The following GULP1 variants were observed in gnomAD, a reference collection of about 807,000 sequenced individuals.
GULP1 encodes PTB domain-containing engulfment adapter protein 1.
In GULP1, 19 loss-of-function variants were observed where a neutral mutation model predicts 40.9. The ratio of observed to expected loss-of-function variants is 0.46; its 90% CI spans 0.32 to 0.68. The LOEUF (loss-of-function observed/expected upper bound fraction) is 0.68, where lower values mean the gene tolerates loss of function less well. Among genes scored for constraint, GULP1 ranks in the 30% least tolerant of loss-of-function variants. The probability of loss-of-function intolerance (pLI) is 0.03; values close to 1 mark genes in which losing one functional copy is unlikely to be tolerated. For missense variants in GULP1, 312 were observed against 362.2 expected, an observed-to-expected ratio of 0.86 and a Z score of 1.12; for synonymous variants, 119 against 117.6, an observed-to-expected ratio of 1.01 and a Z score of -0.08.
intron 2 of GULP1, among the ~76,000 whole-genome samples, chr2:188,465,087 C>T (rs561385853): frequency 4.6e-5 from 7 of 152,082 alleles, no homozygotes; most frequent in African/African-American, 1.7e-4. Flanking sequence ...GAGTCTCACC[C>T]TGTAGCCACC....
At chr2:188,562,734 C>T (rs953910896) in intron 7 of GULP1, among the ~76,000 whole-genome samples, 3 of 152,244 alleles carry the variant, frequency 2.0e-5, no homozygotes, top group Non-Finnish European at 1.5e-5. Context: ...ACAGAGTATA[C>T]TTTCCTTTTG....
chr2:188,535,073 TTA>T (rs1245593620), intron 6 of GULP1, among the ~76,000 whole-genome samples: 1 of 151,128 alleles, frequency 6.6e-6, no homozygotes, highest in Non-Finnish European at 1.5e-5. Flanking sequence ...TAATATTTAA[TTA>T]TTTAATATTA....
intron 2 of GULP1, among the ~76,000 whole-genome samples, chr2:188,462,826 T>C (rs2059818106): frequency 6.6e-6 from 1 of 152,148 alleles, no homozygotes; most frequent in African/African-American, 2.4e-5. Flanking sequence ...AATACCATCT[T>C]ATAACCCATC....
intron 8 of GULP1, 47 bp downstream of exon 8, chr2:188,569,402 A>G (rs1451495131): frequency 2.1e-6 from 2 of 970,994 alleles, no homozygotes; most frequent in African/African-American, 1.6e-5. Context: ...ATGTAAGTAC[A>G]GGGAAACTTG....
chr2:188,390,335 G>C (rs181283257), intron 2 of GULP1, among the ~76,000 whole-genome samples: 488 of 152,122 alleles, frequency 3.2e-3, no homozygotes, highest in African/African-American at 0.011. Context: ...ATCTCATTGT[G>C]GTTTTAATTG....
At chr2:188,558,781 CTT>C (rs1457334013) in intron 7 of GULP1, among the ~76,000 whole-genome samples, 2 of 152,164 alleles carry the variant, frequency 1.3e-5, no homozygotes, top group African/African-American at 2.4e-5. Context: ...AGAGGTAACT[CTT>C]GTTATGTTTT....
intron 1 of GULP1, among the ~76,000 whole-genome samples, chr2:188,301,745 A>G (rs1413958939): frequency 1.3e-5 from 2 of 152,192 alleles, no homozygotes; most frequent in Non-Finnish European, 2.9e-5. Flanking sequence ...TTAGCAAGGG[A>G]ACATTGGATG....
intron 3 of GULP1, among the ~76,000 whole-genome samples, chr2:188,480,753 A>G (rs954722101): frequency 6.6e-6 from 1 of 151,854 alleles, no homozygotes; most frequent in Non-Finnish European, 1.5e-5. Context: ...TAAATCATTA[A>G]GTAAAAAAGT....
intron 2 of GULP1, among the ~76,000 whole-genome samples, chr2:188,396,536 A>G (rs1004305359): frequency 5.9e-5 from 9 of 152,198 alleles, no homozygotes; most frequent in Admixed American, 3.3e-4. Context: ...GCAGCAAGCT[A>G]AGTTCCAGGT....
At chr2:188,436,163 A>G (rs1168966089) in intron 2 of GULP1, among the ~76,000 whole-genome samples, 1 of 152,100 alleles carries the variant, frequency 6.6e-6, no homozygotes, top group African/African-American at 2.4e-5. Context: ...CTTGGGGTCC[A>G]TTTTAAAATC....
intron 1 of GULP1, among the ~76,000 whole-genome samples, chr2:188,337,809 C>A (rs2042466933): frequency 6.6e-6 from 1 of 152,062 alleles, no homozygotes; most frequent in East Asian, 1.9e-4. Flanking sequence ...CCATAAATTT[C>A]TTTTTTACTT....
At chr2:188,311,834 G>T (rs2038184720) in intron 1 of GULP1, among the ~76,000 whole-genome samples, 1 of 147,428 alleles carries the variant, frequency 6.8e-6, no homozygotes, top group Non-Finnish European at 1.5e-5. Context: ...ATATACATAT[G>T]TACTATAATA....
intron 4 of GULP1, among the ~76,000 whole-genome samples, chr2:188,494,540 G>T (rs946626154): frequency 1.3e-4 from 20 of 152,018 alleles, no homozygotes; most frequent in African/African-American, 4.8e-4. Context: ...GGTGTCAACT[G>T]CTATAGGCCA....
chr2:188,422,272 A>G (rs927507230), intron 2 of GULP1, among the ~76,000 whole-genome samples: 8 of 151,760 alleles, frequency 5.3e-5, no homozygotes, highest in African/African-American at 1.9e-4. Context: ...TAATATACCC[A>G]GGAATTATTA....
At position 188,383,808 on chromosome 2, in the gene GULP1, A is replaced by C. The variant is rs1430562526; in HGVS notation, c.-126A>C. 2 of 152,210 alleles carry C rather than the reference A, an allele frequency of 1.3e-5. No homozygotes were observed. The highest frequency in any genetic ancestry group is 3.8e-4 in the East Asian group (2 of 5,198). The allele number at this position is 152,210 out of a possible 1,614,324, so 9.4% of individuals were successfully genotyped here. A position where few individuals can be genotyped will look rare whatever the true frequency, so the allele number is the denominator to read the frequency against. On this transcript the variant is annotated 5_prime_UTR_variant, in exon 2 of 12. Transcript: ENST00000409830. ...TATACATAGGAGAGAAACTGATAGA[A>C]GAATTCTGATGGCAACTGTATGATA...
chr2:188,362,911 A>C (rs192148019), intron 1 of GULP1, among the ~76,000 whole-genome samples: 1 of 152,204 alleles, frequency 6.6e-6, no homozygotes, highest in Admixed American at 6.5e-5. Flanking sequence ...CAACCAGTGA[A>C]GGAGAACAGA....
At chr2:188,409,954 A>G (rs998207631) in intron 2 of GULP1, among the ~76,000 whole-genome samples, 2 of 152,206 alleles carry the variant, frequency 1.3e-5, no homozygotes, top group African/African-American at 4.8e-5. Flanking sequence ...AAAATATACT[A>G]CAAAGTTACA....
chr2:188,417,940 T>G lies in GULP1; in HGVS notation c.-45+34051T>G, dbSNP rs116052290. On this transcript the variant is annotated intron_variant, in intron 2 of 11. Coordinates refer to ENST00000409830, the MANE Select transcript of GULP1 (RefSeq NM_016315.4). The stretch of plus-strand genomic sequence containing the variant: ...CAAGTAGCTGGGACTTACAGACACA[T>G]CATCTCACACAGCTGATTTTTTTTT... Among the ~76,000 whole-genome samples, 969 of 152,066 alleles carry G rather than the reference T, an allele frequency of 6.4e-3. 5 individuals carry two copies. Among genetic ancestry groups the G allele is most frequent in the Middle Eastern group, 0.02 (6 of 294 alleles).
intron 7 of GULP1, among the ~76,000 whole-genome samples, chr2:188,553,702 C>G (rs1391795887): frequency 1.3e-5 from 2 of 151,892 alleles, no homozygotes; most frequent in Non-Finnish European, 2.9e-5. Flanking sequence ...CCCTGTTCTT[C>G]AATGTTTTGG....
Sources: gnomAD v4.1 joint callset for allele counts (sites outside exome capture counted in the v4.1 genomes callset) on GRCh38, gnomAD v4.1.1 for gene constraint, MANE v1.5 for transcripts, NCBI Gene and HGNC (gene_info 2026-07-23, HGNC 2026-07-21) for gene names.